The following USP39 variants were observed in gnomAD, a reference collection of about 807,000 sequenced individuals.
USP39 encodes ubiquitin specific peptidase 39.
Under a neutral mutation model 66.4 loss-of-function variants are expected in USP39, and 38 were observed. The ratio of observed to expected loss-of-function variants is 0.57; its 90% CI spans 0.44 to 0.75. USP39 has a LOEUF of 0.75. USP39 is among the 30% of genes least tolerant of loss of function. USP39 has a pLI of 0.00. For synonymous variants in USP39, 303 were observed against 274.6 expected, an observed-to-expected ratio of 1.10 and a Z score of -1.02; for missense variants, 608 against 714.4, an observed-to-expected ratio of 0.85 and a Z score of 1.70.
At chr2:85,612,438 C>T (rs770461995), upstream of USP39, 3 of 1,404,254 alleles carry the variant, frequency 2.1e-6, no homozygotes, top group South Asian at 2.5e-5. Context: ...TCAGTTTCCT[C>T]ATTAGTAAAT....
chr2:85,627,323 C>T (rs965213120), intron 5 of USP39, among the ~76,000 whole-genome samples: 3 of 152,118 alleles, frequency 2.0e-5, no homozygotes, highest in African/African-American at 7.2e-5. Context: ...TCTTGAACTC[C>T]TGACCTCGTG....
chr2:85,638,960 T>C (rs570508230), intron 8 of USP39, among the ~76,000 whole-genome samples: 2 of 152,024 alleles, frequency 1.3e-5, no homozygotes, highest in Admixed American at 6.6e-5. Flanking sequence ...CCGTGAGCCA[T>C]CACACTTGGC....
At chr2:85,628,391 C>T (rs966158791) in intron 5 of USP39, among the ~76,000 whole-genome samples, 3 of 152,020 alleles carry the variant, frequency 2.0e-5, no homozygotes, top group African/African-American at 7.2e-5. Context: ...GTGATCTGCT[C>T]GCCTCGGCCT....
intron 1 of USP39, among the ~76,000 whole-genome samples, chr2:85,617,116 T>A (rs560216720): frequency 6.6e-6 from 1 of 151,816 alleles, no homozygotes; most frequent in South Asian, 2.1e-4. Context: ...AAGAATTTTT[T>A]TTTTTTTTTT....
Position 85,640,435 on chromosome 2 carries a change from C to T in USP39, c.1285-541C>T, listed in dbSNP as rs192957129. Among the ~76,000 whole-genome samples the T allele has an allele frequency of 5.7e-3, 863 of 151,616 alleles. 6 individuals are homozygous for T. Among genetic ancestry groups the T allele is most frequent in the Non-Finnish European group, 9.2e-3 (625 of 67,858 alleles). On this transcript the variant is annotated intron_variant, in intron 9 of 12. Coordinates refer to ENST00000323701, the MANE Select transcript of USP39 (RefSeq NM_006590.4). ...TCCCGAGTAGCTGGGACTACAGGTA[C>T]ATGCCACCATGCCCAGCTAATGTTT... is the stretch of plus-strand genomic sequence containing the variant.
At chr2:85,636,725 C>CA (rs1675805804) in intron 7 of USP39, among the ~76,000 whole-genome samples, 1 of 152,104 alleles carries the variant, frequency 6.6e-6, no homozygotes, top group South Asian at 2.1e-4. Context: ...AGGCTGGTCT[C>CA]AAACTCCTGA....
At chr2:85,643,153 T>C (rs150578838) in intron 10 of USP39, among the ~76,000 whole-genome samples, 216 of 152,234 alleles carry the variant, frequency 1.4e-3, no homozygotes, top group African/African-American at 5.0e-3. Context: ...ATTTCTCTTT[T>C]GCCGCATGGA....
chr2:85,626,620 G>T (rs900086596), intron 5 of USP39, among the ~76,000 whole-genome samples: 4 of 152,158 alleles, frequency 2.6e-5, no homozygotes, highest in Non-Finnish European at 5.9e-5. Context: ...TAAAAAAATG[G>T]TGTAGATATT....
chr2:85,648,947 C>G lies in USP39; in HGVS notation c.*139C>G. 1.1e-6 allele frequency: 1 copy of G among 928,682 alleles called. No homozygotes were observed. The highest frequency in any genetic ancestry group is 1.7e-6 in the Non-Finnish European group (1 of 594,928). 57.5% of individuals were successfully genotyped at this position (928,682 alleles called of 1,614,324 possible). On this transcript the variant is annotated 3_prime_UTR_variant, in exon 13 of 13. Coordinates refer to ENST00000323701, the MANE Select transcript of USP39 (RefSeq NM_006590.4). ...TGTATGGGTTCTGGCTACACCAGAGCACCAAGAGCCCACTTGCCTGGGATG... is the reference window on the plus strand; with the variant it reads ...TGTATGGGTTCTGGCTACACCAGAGGACCAAGAGCCCACTTGCCTGGGATG...
chr2:85,630,645 G>A, intron 5 of USP39, 76 bp from the exon 6 acceptor site: 1 of 1,407,616 alleles, frequency 7.1e-7, no homozygotes, highest in Non-Finnish European at 9.9e-7. Context: ...TCTATTAGGA[G>A]AACTTTAATT....
At chr2:85,634,084 G>T (rs191578293) in intron 6 of USP39, among the ~76,000 whole-genome samples, 1 of 150,878 alleles carries the variant, frequency 6.6e-6, no homozygotes, top group African/African-American at 2.4e-5. Context: ...TGATCCGTCC[G>T]CCTCGGCCTC....
At chr2:85,611,988 G>A (rs1023689618), upstream of USP39, 1 of 1,527,302 alleles carries the variant, frequency 6.5e-7, no homozygotes. Context: ...CCTCCATCAG[G>A]AGCCGGGGAC....
At chr2:85,612,553 C>T (rs1028825959), upstream of USP39, among the ~76,000 whole-genome samples, 1 of 152,262 alleles carries the variant, frequency 6.6e-6, no homozygotes, top group Non-Finnish European at 1.5e-5. Context: ...GCTCTCCTGG[C>T]CCGGCTTGCC....
At chr2:85,609,267 T>A (rs1452075258), upstream of USP39, among the ~76,000 whole-genome samples, 1 of 152,170 alleles carries the variant, frequency 6.6e-6, no homozygotes, top group East Asian at 1.9e-4. Context: ...AGAATCACTG[T>A]GAGATGGGAG....
intron 5 of USP39, 54 bp downstream of exon 5, chr2:85,625,745 A>G: frequency 1.3e-6 from 2 of 1,587,640 alleles, no homozygotes; most frequent in East Asian, 2.3e-5. Context: ...AAGGCTGAGC[A>G]CAGTGGCTCA....
intron 1 of USP39, 75 bp downstream of exon 1, chr2:85,616,538 G>T (rs1231227981): frequency 5.8e-6 from 7 of 1,211,016 alleles, no homozygotes; most frequent in East Asian, 4.1e-5. Context: ...CTAATCTTCC[G>T]CTAGGTCACT....
intron 6 of USP39, among the ~76,000 whole-genome samples, chr2:85,635,705 A>G (rs1573433760): frequency 6.6e-6 from 1 of 152,228 alleles, no homozygotes; most frequent in East Asian, 1.9e-4. Flanking sequence ...CCTAAAAGAC[A>G]GGAATCTTCA....
chr2:85,611,532 C>T (rs948601156), upstream of USP39: 1 of 1,550,980 alleles, frequency 6.4e-7, no homozygotes, highest in Non-Finnish European at 8.7e-7. Flanking sequence ...GATTTGGGAG[C>T]GCTGAGGTGG....
chr2:85,621,624 CTTTTT>C, intron 3 of USP39, 45 bp downstream of exon 3: 6 of 1,102,260 alleles, frequency 5.4e-6, no homozygotes, highest in Non-Finnish European at 5.1e-6. Context: ...TCCAGAGGGA[CTTTTT>C]TTTTTTTTTT....
Sources: allele counts gnomAD v4.1 joint callset (sites outside exome capture counted in the v4.1 genomes callset), GRCh38; gene constraint gnomAD v4.1.1; transcripts MANE v1.5; gene names NCBI Gene and HGNC (gene_info 2026-07-23, HGNC 2026-07-21).